The following CPLANE1 variants were observed in gnomAD, a reference collection of about 807,000 sequenced individuals.
CPLANE1 encodes ciliogenesis and planar polarity effector complex subunit 1, also known as ciliogenesis and planar polarity effector 1.
Under a neutral mutation model 362.5 loss-of-function variants are expected in CPLANE1, and 263 were observed. That is an observed-to-expected ratio of 0.73 (90% confidence interval 0.66 to 0.80). The LOEUF is 0.80. Among genes scored for constraint, CPLANE1 ranks in the 30% least tolerant of loss-of-function variants. CPLANE1 has a pLI of 0.00. For missense variants in CPLANE1, 3,461 were observed against 3,793.4 expected, an observed-to-expected ratio of 0.91 and a Z score of 2.30; for synonymous variants, 1,212 against 1,302.6, an observed-to-expected ratio of 0.93 and a Z score of 1.50.
At chr5:37,078,956 T>C in the CPLANE1 span, among the ~76,000 whole-genome samples, 3 of 152,214 alleles carry the variant, frequency 2.0e-5, no homozygotes, top group African/African-American at 7.2e-5. Context: ...TATTAGACTT[T>C]TGTCAGATGG....
intron 20 of CPLANE1, among the ~76,000 whole-genome samples, chr5:37,198,048 G>C (rs1788038854): frequency 6.6e-6 from 1 of 152,028 alleles, no homozygotes; most frequent in Non-Finnish European, 1.5e-5. Flanking sequence ...ATTTTACTTA[G>C]GCTGAATTAA....
At chr5:37,222,338 G>T (rs573389542) in intron 14 of CPLANE1, among the ~76,000 whole-genome samples, 1 of 152,286 alleles carries the variant, frequency 6.6e-6, no homozygotes, top group Admixed American at 6.5e-5. Flanking sequence ...CCTATTTGCT[G>T]CCTAGAGCAT....
the CPLANE1 span, among the ~76,000 whole-genome samples, chr5:37,083,433 C>T: frequency 2.6e-5 from 4 of 152,184 alleles, no homozygotes; most frequent in East Asian, 7.7e-4. Context: ...AGAAGGAATC[C>T]CTGATTTACC....
At chr5:37,213,293 T>G (rs1793142626) in intron 16 of CPLANE1, among the ~76,000 whole-genome samples, 1 of 152,110 alleles carries the variant, frequency 6.6e-6, no homozygotes, top group Non-Finnish European at 1.5e-5. Flanking sequence ...AAAGAAATAA[T>G]TAATAAATTA....
At chr5:37,247,016 T>C (rs566947329) in intron 2 of CPLANE1, among the ~76,000 whole-genome samples, 2 of 152,362 alleles carry the variant, frequency 1.3e-5, no homozygotes, top group African/African-American at 4.8e-5. Flanking sequence ...CCTCTCCAGA[T>C]AGTTCTGATA....
At chr5:37,194,656 ACTT>A (rs1786701957) in intron 21 of CPLANE1, among the ~76,000 whole-genome samples, 2 of 149,254 alleles carry the variant, frequency 1.3e-5, no homozygotes, top group South Asian at 4.2e-4. Flanking sequence ...TTAAGAATAA[ACTT>A]TTTTTTTTTT....
intron 16 of CPLANE1, among the ~76,000 whole-genome samples, chr5:37,207,627 T>C (rs1791147963): frequency 6.6e-6 from 1 of 152,214 alleles, no homozygotes; most frequent in Non-Finnish European, 1.5e-5. Context: ...TCACAGAACA[T>C]AGGAGTTTGA....
Position 37,107,194 on chromosome 5 carries a change from C to T in CPLANE1, c.*408G>A, listed in dbSNP as rs145945346. ...TGAGTTCTCAGGTGAGACTGATTTT[C>T]TTCTCAATGAAAAGATTTTTTTTTT... On this transcript the variant is annotated 3_prime_UTR_variant, in exon 53 of 53. Coordinates refer to ENST00000651892, the MANE Select transcript of CPLANE1 (RefSeq NM_001384732.1). 28 of 987,010 alleles carry T rather than the reference C, an allele frequency of 2.8e-5. No homozygotes were observed. In the East Asian group the frequency reaches 3.0e-3, roughly 107 times the overall value. 61.1% of individuals were successfully genotyped at this position (987,010 alleles called of 1,614,324 possible).
At chr5:37,104,456 C>G (rs796905578), downstream of CPLANE1, among the ~76,000 whole-genome samples, 3 of 151,024 alleles carry the variant, frequency 2.0e-5, no homozygotes, top group Non-Finnish European at 2.9e-5. Flanking sequence ...GAAAAGTAGC[C>G]GGGCATGATG....
At chr5:37,118,911 A>G (rs1761837943) in intron 50 of CPLANE1, among the ~76,000 whole-genome samples, 1 of 151,938 alleles carries the variant, frequency 6.6e-6, no homozygotes, top group African/African-American at 2.4e-5. Flanking sequence ...ACGGGGTTTC[A>G]CCATGTTGGC....
intron 6 of CPLANE1, among the ~76,000 whole-genome samples, chr5:37,241,457 A>C (rs1800441101): frequency 6.6e-6 from 1 of 152,022 alleles, no homozygotes; most frequent in South Asian, 2.1e-4. Context: ...TCTATCTCAA[A>C]AATAAATAGA....
downstream of CPLANE1, among the ~76,000 whole-genome samples, chr5:37,101,451 G>A (rs775399592): frequency 2.0e-5 from 3 of 152,130 alleles, no homozygotes; most frequent in Admixed American, 6.6e-5. Flanking sequence ...GGAGGAAGCC[G>A]ACTTGATCAT....
intron 21 of CPLANE1, among the ~76,000 whole-genome samples, chr5:37,190,425 CA>C (rs202165711): frequency 6.8e-6 from 1 of 146,802 alleles, no homozygotes; most frequent in Non-Finnish European, 1.5e-5. Flanking sequence ...AAAAAAAAAA[CA>C]AAAAAACCAG....
chr5:37,206,367 A>G lies in CPLANE1; in HGVS notation c.2979T>C (p.Asp993=). ...CTGTCCACACATTAGAGAGATTCTG[A>G]TCTCTAACAACACTGGCCACCTTAG... ...QHSKVASVVR[D]QNLSNVWTVE... The change falls in exon 17 of 53, where the codon GAT becomes GAC. Residue 993 remains aspartate, a synonymous_variant. Transcript: ENST00000651892. 1.3e-6 allele frequency: 2 copies of G among 1,551,682 alleles called. No individual in the cohort carries two copies. Among genetic ancestry groups the G allele is most frequent in the South Asian group, 2.4e-5 (2 of 84,056 alleles).
intron 26 of CPLANE1, 73 bp downstream of exon 26, chr5:37,182,686 TG>T: frequency 1.1e-6 from 1 of 886,280 alleles, no homozygotes; most frequent in Non-Finnish European, 1.7e-6. Flanking sequence ...CTTTAAAAGA[TG>T]GGAAATGTAA....
At chr5:37,112,691 C>T (rs982124370) in intron 51 of CPLANE1, among the ~76,000 whole-genome samples, 1 of 152,172 alleles carries the variant, frequency 6.6e-6, no homozygotes, top group Non-Finnish European at 1.5e-5. Context: ...AACCTATTAC[C>T]TCCATCATTC....
chr5:37,194,200 G>A (rs1242146944), intron 21 of CPLANE1, among the ~76,000 whole-genome samples: 1 of 152,098 alleles, frequency 6.6e-6, no homozygotes, highest in East Asian at 1.9e-4. Flanking sequence ...GGGATTACAG[G>A]CATGAGCCAC....
intron 43 of CPLANE1, among the ~76,000 whole-genome samples, chr5:37,145,690 C>T (rs1247551438): frequency 6.6e-6 from 1 of 151,768 alleles, no homozygotes; most frequent in African/African-American, 2.4e-5. Flanking sequence ...ACCAATACAG[C>T]AGGAAAGAGA....
At chr5:37,145,018 AT>A (rs751556063) in intron 43 of CPLANE1, among the ~76,000 whole-genome samples, 5 of 151,852 alleles carry the variant, frequency 3.3e-5, no homozygotes, top group Non-Finnish European at 5.9e-5. Flanking sequence ...GAAAACAGTT[AT>A]CAGAGGCCGG....
Sources: allele counts gnomAD v4.1 joint callset (sites outside exome capture counted in the v4.1 genomes callset), GRCh38; gene constraint gnomAD v4.1.1; transcripts MANE v1.5; gene names NCBI Gene and HGNC (gene_info 2026-07-23, HGNC 2026-07-21).